The following ASPRV1 variants were observed in gnomAD, a reference collection of about 807,000 sequenced individuals.
The protein encoded by ASPRV1 is retroviral-like aspartic protease 1.
Under a neutral mutation model 11.0 loss-of-function variants are expected in ASPRV1, and 7 were observed. The observed-to-expected ratio is 0.64, with a 90% CI of 0.36 to 1.20. ASPRV1 has a LOEUF of 1.20. Among genes scored for constraint, ASPRV1 ranks in the 50% most tolerant of loss-of-function variants. The pLI, the probability that ASPRV1 is intolerant of heterozygous loss-of-function variation, is 0.02. For synonymous variants in ASPRV1, 136 were observed against 138.4 expected (o/e 0.98, Z 0.12); for missense variants, 299 against 320.0 (o/e 0.93, Z 0.50).
chr2:70,035,755 C>T, the ASPRV1 span, among the ~76,000 whole-genome samples: 1 of 151,536 alleles, frequency 6.6e-6, no homozygotes, highest in African/African-American at 2.4e-5. Flanking sequence ...ACTTAAGGGA[C>T]TCTTGATTTT....
chr2:70,049,101 A>G, the ASPRV1 span: 31 of 150,878 alleles, frequency 2.1e-4, no homozygotes, highest in Non-Finnish European at 3.2e-4. Flanking sequence ...GGTTAGTTAC[A>G]TATGTATACA....
chr2:70,039,937 T>C, the ASPRV1 span, among the ~76,000 whole-genome samples: 1 of 152,010 alleles, frequency 6.6e-6, no homozygotes, highest in African/African-American at 2.4e-5. Context: ...CGCCAGACAG[T>C]GATGCTCCTA....
the ASPRV1 span, among the ~76,000 whole-genome samples, chr2:70,084,301 G>C: frequency 6.6e-6 from 1 of 152,184 alleles, no homozygotes; most frequent in African/African-American, 2.4e-5. Flanking sequence ...ATGCAATTTA[G>C]TCCTTTTGTT....
the ASPRV1 span, among the ~76,000 whole-genome samples, chr2:69,974,269 G>A: frequency 6.6e-6 from 1 of 151,838 alleles, no homozygotes; most frequent in Admixed American, 6.5e-5. Context: ...CCTGGGAGGC[G>A]GAGGTTGCAA....
the ASPRV1 span, among the ~76,000 whole-genome samples, chr2:70,029,365 G>C: frequency 6.6e-6 from 1 of 152,142 alleles, no homozygotes. Context: ...GTTCGGCCAG[G>C]CACGGTAGCT....
Position 69,960,760 on chromosome 2 carries a change from A to T in ASPRV1, c.677T>A (p.Phe226Tyr). 6.2e-7 allele frequency: 1 copy of T among 1,614,086 alleles called. No homozygotes were observed. Among genetic ancestry groups the T allele is most frequent in the South Asian group, 1.1e-5 (1 of 91,082 alleles). Residue 226 changes from phenylalanine to tyrosine, a missense_variant, in exon 1 of 1, where the codon TTT becomes TAT. Physicochemically the swap from Phe to Tyr is conservative, Grantham distance 22. Transcript: ENST00000320256. Reference sequence around the variant, plus strand: ...GGACCCTCCCACAGGCAGAAGGCGAAACTTCTTCCCTTTCAGGGTGCATGT... The same window carrying T: ...GGACCCTCCCACAGGCAGAAGGCGATACTTCTTCCCTTTCAGGGTGCATGT... The part of the protein sequence containing the change: ...HRTCTLKGKK[F>Y]RLLPVGGSLE...
At chr2:69,997,762 G>T in the ASPRV1 span, among the ~76,000 whole-genome samples, 4 of 152,204 alleles carry the variant, frequency 2.6e-5, no homozygotes, top group Non-Finnish European at 4.4e-5. Flanking sequence ...TGACTCAGTT[G>T]ATCTGGCCGG....
the ASPRV1 span, among the ~76,000 whole-genome samples, chr2:69,989,897 T>G: frequency 3.3e-5 from 5 of 152,254 alleles, no homozygotes; most frequent in Non-Finnish European, 7.3e-5. Context: ...GCATGTTAAA[T>G]CAGCGGTGAT....
downstream of ASPRV1, among the ~76,000 whole-genome samples, chr2:69,955,526 A>C (rs1486723589): frequency 1.3e-5 from 2 of 152,226 alleles, no homozygotes; most frequent in Non-Finnish European, 2.9e-5. Flanking sequence ...CCATAGGTGC[A>C]TGGGTTAGCA....
chr2:70,012,171 T>G, the ASPRV1 span: 2 of 151,678 alleles, frequency 1.3e-5, no homozygotes, highest in Non-Finnish European at 2.9e-5. Flanking sequence ...TTTTTTTTTT[T>G]TTGAGATGAG....
At chr2:70,011,496 G>A in the ASPRV1 span, among the ~76,000 whole-genome samples, 1 of 152,150 alleles carries the variant, frequency 6.6e-6, no homozygotes, top group South Asian at 2.1e-4. Context: ...GAGCAGATGA[G>A]GGAAGGGAGG....
the ASPRV1 span, among the ~76,000 whole-genome samples, chr2:70,057,630 C>T: frequency 6.6e-6 from 1 of 151,822 alleles, no homozygotes; most frequent in Non-Finnish European, 1.5e-5. Flanking sequence ...AGGCATGCAC[C>T]ACCACGCCCA....
the ASPRV1 span, among the ~76,000 whole-genome samples, chr2:69,982,403 C>CTGT: frequency 6.6e-6 from 1 of 152,112 alleles, no homozygotes; most frequent in African/African-American, 2.4e-5. Context: ...CTGGAATGAG[C>CTGT]TGTGATCCTG....
chr2:70,038,369 C>T, the ASPRV1 span, among the ~76,000 whole-genome samples: 1 of 152,076 alleles, frequency 6.6e-6, no homozygotes, highest in African/African-American at 2.4e-5. Context: ...GGCAACATAC[C>T]AAGTTCAAGA....
chr2:69,965,448 A>C (rs4452178), upstream of ASPRV1, among the ~76,000 whole-genome samples: 23,884 of 150,758 alleles, frequency 0.16, 3,083 homozygotes, highest in African/African-American at 0.34. Flanking sequence ...TGGGCTAAAA[A>C]AAAAACAAAA....
At chr2:70,027,079 G>A in the ASPRV1 span, among the ~76,000 whole-genome samples, 2 of 151,766 alleles carry the variant, frequency 1.3e-5, no homozygotes, top group Admixed American at 6.6e-5. Flanking sequence ...GTGAGATCCC[G>A]CCTCTACAAA....
the ASPRV1 span, among the ~76,000 whole-genome samples, chr2:70,005,550 G>A: frequency 3.0e-4 from 46 of 152,110 alleles, no homozygotes; most frequent in Non-Finnish European, 6.0e-4. Flanking sequence ...GTTCCTTCTT[G>A]TCAGCTTATT....
the ASPRV1 span, chr2:69,942,789 A>C: frequency 6.6e-6 from 1 of 152,228 alleles, no homozygotes; most frequent in African/African-American, 2.4e-5. Context: ...CGCCAATGTA[A>C]ATCCTGTGTC....
the ASPRV1 span, among the ~76,000 whole-genome samples, chr2:70,025,212 G>A: frequency 1.6e-4 from 25 of 152,242 alleles, no homozygotes; most frequent in Admixed American, 1.4e-3. Flanking sequence ...GTGTGTGTTG[G>A]GGATTAGAAA....
Sources: allele counts gnomAD v4.1 joint callset (sites outside exome capture counted in the v4.1 genomes callset), GRCh38; gene constraint gnomAD v4.1.1; transcripts MANE v1.5; gene names NCBI Gene and HGNC (gene_info 2026-07-23, HGNC 2026-07-21).